The following PACRG variants were observed in gnomAD, a reference collection of about 807,000 sequenced individuals.
The protein encoded by PACRG is parkin coregulated gene protein.
A neutral mutation model predicts 29.7 loss-of-function variants in PACRG; 29 were observed. The observed-to-expected ratio is 0.98, with a 90% CI of 0.73 to 1.33. The LOEUF is 1.33. Ranked by LOEUF, PACRG falls within the 40% of genes most tolerant of loss-of-function variation. The pLI is 0.00. For synonymous variants in PACRG, 116 were observed against 118.7 expected, an observed-to-expected ratio of 0.98 and a Z score of 0.15; for missense variants, 279 against 316.2, an observed-to-expected ratio of 0.88 and a Z score of 0.89.
intron 4 of PACRG, among the ~76,000 whole-genome samples, chr6:163,108,315 A>C (rs1280954696): frequency 6.6e-6 from 1 of 151,032 alleles, no homozygotes; most frequent in Non-Finnish European, 1.5e-5. Context: ...TACCATTGTA[A>C]GTTTCCTGAG....
chr6:162,994,590 A>G (rs1411489900), intron 2 of PACRG, among the ~76,000 whole-genome samples: 1 of 151,718 alleles, frequency 6.6e-6, no homozygotes, highest in Admixed American at 6.6e-5. Context: ...TTTTAGCTCC[A>G]TCAGCTCCTT....
intron 2 of PACRG, among the ~76,000 whole-genome samples, chr6:162,883,656 C>G (rs1476316974): frequency 2.6e-5 from 4 of 151,298 alleles, no homozygotes; most frequent in African/African-American, 9.7e-5. Context: ...TCAAGTGGTT[C>G]AGAAGGCATC....
At chr6:163,010,069 A>G (rs1584999588) in intron 2 of PACRG, among the ~76,000 whole-genome samples, 1 of 151,740 alleles carries the variant, frequency 6.6e-6, no homozygotes, top group Non-Finnish European at 1.5e-5. Context: ...TAAGGTCCCA[A>G]TAGTATTTCA....
intron 1 of PACRG, among the ~76,000 whole-genome samples, chr6:162,755,028 A>G (rs1220776803): frequency 6.6e-6 from 1 of 152,060 alleles, no homozygotes; most frequent in Non-Finnish European, 1.5e-5. Context: ...GGAAAGTTCT[A>G]TGTGTCTAGG....
At chr6:163,176,676 A>C (rs1253939427) in intron 4 of PACRG, among the ~76,000 whole-genome samples, 4 of 152,200 alleles carry the variant, frequency 2.6e-5, no homozygotes, top group African/African-American at 4.8e-5. Flanking sequence ...ATTCAGATGA[A>C]ATGCTCTTGG....
intron 1 of PACRG, among the ~76,000 whole-genome samples, chr6:162,802,747 A>T (rs1215024021): frequency 6.6e-6 from 1 of 152,132 alleles, no homozygotes; most frequent in Non-Finnish European, 1.5e-5. Flanking sequence ...GGATACTTTC[A>T]GTCCTCCTCT....
At chr6:163,006,159 A>G (rs1359144641) in intron 2 of PACRG, among the ~76,000 whole-genome samples, 1 of 139,210 alleles carries the variant, frequency 7.2e-6, no homozygotes, top group Non-Finnish European at 1.5e-5. Flanking sequence ...AATATATTAT[A>G]TATAATATAA....
chr6:163,155,025 A>C (rs1253576970), intron 4 of PACRG, among the ~76,000 whole-genome samples: 1 of 151,910 alleles, frequency 6.6e-6, no homozygotes, highest in African/African-American at 2.4e-5. Flanking sequence ...CTTGGCCTCC[A>C]AAGCCCTCAC....
At chr6:162,839,378 G>A (rs1264362709) in intron 2 of PACRG, among the ~76,000 whole-genome samples, 1 of 132,922 alleles carries the variant, frequency 7.5e-6, no homozygotes, top group African/African-American at 2.9e-5. Flanking sequence ...TTTTTTGGCT[G>A]CATAAATGTC....
intron 4 of PACRG, among the ~76,000 whole-genome samples, chr6:163,289,572 A>C (rs1784512395): frequency 6.6e-6 from 1 of 152,234 alleles, no homozygotes; most frequent in African/African-American, 2.4e-5. Context: ...CCAGTTCTGC[A>C]ATGTCATTCT....
At chr6:163,207,265 G>A (rs939288589) in intron 4 of PACRG, among the ~76,000 whole-genome samples, 1 of 152,102 alleles carries the variant, frequency 6.6e-6, no homozygotes, top group South Asian at 2.1e-4. Flanking sequence ...ATAATTTAGA[G>A]TATGGGTAGT....
At chr6:163,215,397 G>A (rs1781321547) in intron 4 of PACRG, among the ~76,000 whole-genome samples, 1 of 152,134 alleles carries the variant, frequency 6.6e-6, no homozygotes, top group East Asian at 1.9e-4. Flanking sequence ...TTAATAGCAT[G>A]CATTGTTATA....
chr6:162,934,638 A>G (rs1798105618), intron 2 of PACRG, among the ~76,000 whole-genome samples: 1 of 152,038 alleles, frequency 6.6e-6, no homozygotes, highest in Non-Finnish European at 1.5e-5. Context: ...TTTTCTGATT[A>G]TTTTGTATAT....
intron 4 of PACRG, among the ~76,000 whole-genome samples, chr6:163,094,882 A>G (rs1284184068): frequency 6.6e-6 from 1 of 152,206 alleles, no homozygotes; most frequent in Admixed American, 6.5e-5. Flanking sequence ...CCTTTTCCAC[A>G]TATAGCAAGC....
intron 4 of PACRG, chr6:163,313,762 T>G (rs1208075202): frequency 6.6e-6 from 1 of 152,276 alleles, no homozygotes. Context: ...CCCACCTGTG[T>G]ACTTTCCTTC....
intron 4 of PACRG, among the ~76,000 whole-genome samples, chr6:163,308,215 T>A (rs1445863559): frequency 2.6e-5 from 4 of 152,238 alleles, no homozygotes; most frequent in Non-Finnish European, 2.9e-5. Context: ...TGACTTTTTT[T>A]AGCAATATGT....
At chr6:163,159,678 T>G (rs1778471206) in intron 4 of PACRG, among the ~76,000 whole-genome samples, 1 of 152,234 alleles carries the variant, frequency 6.6e-6, no homozygotes, top group Non-Finnish European at 1.5e-5. Context: ...ATTGACCCAA[T>G]TACTTGTCCT....
intron 1 of PACRG, among the ~76,000 whole-genome samples, chr6:162,742,313 T>TC (rs1780661371): frequency 6.6e-6 from 1 of 152,200 alleles, no homozygotes; most frequent in Non-Finnish European, 1.5e-5. Flanking sequence ...ATAAGGGGTT[T>TC]CCCCTTTCAT....
At chr6:163,155,240 C>G (rs995903498) in intron 4 of PACRG, among the ~76,000 whole-genome samples, 2 of 152,222 alleles carry the variant, frequency 1.3e-5, no homozygotes, top group African/African-American at 4.8e-5. Context: ...CGTATGCTTC[C>G]TCTGCCCTTG....
Sources: allele counts gnomAD v4.1 joint callset (sites outside exome capture counted in the v4.1 genomes callset), GRCh38; gene constraint gnomAD v4.1.1; transcripts MANE v1.5; gene names NCBI Gene and HGNC (gene_info 2026-07-23, HGNC 2026-07-21).